Variants in PACRG observed in about 807,000 individuals in gnomAD.
The protein encoded by PACRG is parkin coregulated, also known as parkin coregulated gene protein.
A neutral mutation model predicts 29.7 loss-of-function variants in PACRG; 29 were observed. The ratio of observed to expected loss-of-function variants is 0.98; its 90% CI spans 0.73 to 1.33. The LOEUF (loss-of-function observed/expected upper bound fraction) is 1.33, where lower values mean the gene tolerates loss of function less well. PACRG is among the 40% of genes most tolerant of loss of function. The pLI, the probability that PACRG is intolerant of heterozygous loss-of-function variation, is 0.00. For synonymous variants in PACRG, 116 were observed against 118.7 expected (o/e 0.98, Z 0.15); for missense variants, 279 against 316.2 (o/e 0.88, Z 0.89).
chr6:163,270,582 C>G (rs1293317558), intron 4 of PACRG, among the ~76,000 whole-genome samples: 1 of 151,902 alleles, frequency 6.6e-6, no homozygotes, highest in Admixed American at 6.6e-5. Context: ...CCATATTGCC[C>G]AGGCTGGTCT....
At chr6:162,813,118 A>G (rs1472963247) in intron 1 of PACRG, among the ~76,000 whole-genome samples, 1 of 151,900 alleles carries the variant, frequency 6.6e-6, no homozygotes, top group Non-Finnish European at 1.5e-5. Context: ...TTGTATGTTT[A>G]TTTATTGTAT....
chr6:163,087,899 A>G (rs1460757325), intron 3 of PACRG, among the ~76,000 whole-genome samples: 1 of 152,174 alleles, frequency 6.6e-6, no homozygotes, highest in Non-Finnish European at 1.5e-5. Context: ...AGTGTTGGTG[A>G]GGATGGAGAG....
chr6:163,130,684 TC>T (rs1816698465), intron 4 of PACRG, among the ~76,000 whole-genome samples: 1 of 152,126 alleles, frequency 6.6e-6, no homozygotes, highest in African/African-American at 2.4e-5. Context: ...ACTGGGCCTC[TC>T]CCCCATACCT....
At chr6:163,141,989 A>G (rs1217465325) in intron 4 of PACRG, among the ~76,000 whole-genome samples, 1 of 152,132 alleles carries the variant, frequency 6.6e-6, no homozygotes, top group Admixed American at 6.5e-5. Context: ...TACAAAATTG[A>G]CCATGAAGAA....
intron 4 of PACRG, among the ~76,000 whole-genome samples, chr6:163,279,633 T>A (rs918576214): frequency 3.9e-5 from 6 of 152,186 alleles, no homozygotes. Flanking sequence ...CTCTTAATAT[T>A]GAATTCAATC....
intron 2 of PACRG, among the ~76,000 whole-genome samples, chr6:163,048,626 T>C (rs1025801535): frequency 1.3e-5 from 2 of 152,186 alleles, no homozygotes; most frequent in South Asian, 2.1e-4. Context: ...TTTTCGATTC[T>C]TAAAAAGAGT....
chr6:163,001,750 T>A (rs948949091), intron 2 of PACRG, among the ~76,000 whole-genome samples: 1 of 152,218 alleles, frequency 6.6e-6, no homozygotes, highest in Non-Finnish European at 1.5e-5. Flanking sequence ...TAGACAGCAT[T>A]CACTTATTCA....
intron 4 of PACRG, among the ~76,000 whole-genome samples, chr6:163,132,557 G>A (rs189129504): frequency 6.6e-6 from 1 of 152,244 alleles, no homozygotes; most frequent in African/African-American, 2.4e-5. Flanking sequence ...CCTAGTCATA[G>A]CCCAGTGAAG....
intron 1 of PACRG, among the ~76,000 whole-genome samples, chr6:162,743,524 G>T (rs549629677): frequency 1.3e-5 from 2 of 151,998 alleles, no homozygotes; most frequent in East Asian, 3.9e-4. Flanking sequence ...TCCTTGATTG[G>T]ATTTATTTAT....
chr6:162,865,172 A>G (rs1350666146), intron 2 of PACRG, among the ~76,000 whole-genome samples: 1 of 152,226 alleles, frequency 6.6e-6, no homozygotes, highest in Admixed American at 6.5e-5. Context: ...GCTCTCAATG[A>G]TAATTGGCAT....
chr6:163,007,899 G>A (rs1805266248), intron 2 of PACRG, among the ~76,000 whole-genome samples: 1 of 152,114 alleles, frequency 6.6e-6, no homozygotes, highest in Non-Finnish European at 1.5e-5. Context: ...GGTCATAGAA[G>A]AGCAGCATCC....
intron 2 of PACRG, among the ~76,000 whole-genome samples, chr6:162,947,535 C>CATAT (rs1234622998): frequency 9.8e-6 from 1 of 101,922 alleles, no homozygotes; most frequent in African/African-American, 4.4e-5. Context: ...TATATATACT[C>CATAT]ATATATAATC....
chr6:162,845,741 A>T (rs1197063158), intron 2 of PACRG, among the ~76,000 whole-genome samples: 2 of 152,190 alleles, frequency 1.3e-5, no homozygotes, highest in African/African-American at 4.8e-5. Flanking sequence ...CTTGAATCAC[A>T]TGTTTACAGT....
intron 1 of PACRG, among the ~76,000 whole-genome samples, chr6:162,758,632 G>A (rs557972091): frequency 6.6e-6 from 1 of 152,230 alleles, no homozygotes; most frequent in Non-Finnish European, 1.5e-5. Flanking sequence ...TACCTGGCTT[G>A]GAAATCCCAG....
Position 162,740,753 on chromosome 6 carries a change from C to G in PACRG, c.156+12362C>G, listed in dbSNP as rs188181019. Among the ~76,000 whole-genome samples, 161 of 152,112 alleles carry G rather than the reference C, an allele frequency of 1.1e-3. 1 individual carries two copies. Among genetic ancestry groups the G allele is most frequent in the Middle Eastern group, 6.8e-3 (2 of 294 alleles). ...TAGCTGGGACTACAGGCCCGCGCCA[C>G]CACGCCCAGCTAATTTTTGTATTTT... On this transcript the variant is annotated intron_variant, in intron 1 of 4. Transcript: ENST00000366888.
chr6:162,886,415 G>A (rs1023488244), intron 2 of PACRG, among the ~76,000 whole-genome samples: 1 of 152,120 alleles, frequency 6.6e-6, no homozygotes, highest in Non-Finnish European at 1.5e-5. Flanking sequence ...TCAAAAACCT[G>A]TTTCATTCTT....
At chr6:163,131,956 A>G (rs1057392829) in intron 4 of PACRG, among the ~76,000 whole-genome samples, 13 of 152,240 alleles carry the variant, frequency 8.5e-5, no homozygotes, top group African/African-American at 2.9e-4. Flanking sequence ...AAACTTAGTC[A>G]TAAGTAACAT....
At chr6:163,094,081 A>T (rs1814354856) in intron 4 of PACRG, among the ~76,000 whole-genome samples, 1 of 152,180 alleles carries the variant, frequency 6.6e-6, no homozygotes, top group South Asian at 2.1e-4. Flanking sequence ...TATTCGTGTG[A>T]ATTCTCTGGG....
chr6:163,189,916 C>G (rs1055790711), intron 4 of PACRG: 10 of 152,186 alleles, frequency 6.6e-5, no homozygotes, highest in Non-Finnish European at 4.4e-5. Flanking sequence ...GGGCAGACCC[C>G]CAGGTGGCCT....
Sources: gnomAD v4.1 joint callset for allele counts (sites outside exome capture counted in the v4.1 genomes callset) on GRCh38, gnomAD v4.1.1 for gene constraint, MANE v1.5 for transcripts, NCBI Gene and HGNC (gene_info 2026-07-23, HGNC 2026-07-21) for gene names.